The following CNTN5 variants were observed in gnomAD, a reference collection of about 807,000 sequenced individuals.
CNTN5 encodes contactin-5.
Under a neutral mutation model 129.1 loss-of-function variants are expected in CNTN5, and 77 were observed. The ratio of observed to expected loss-of-function variants is 0.60; its 90% CI spans 0.50 to 0.72. CNTN5 has a LOEUF of 0.72. CNTN5 is among the 30% of genes least tolerant of loss of function. The pLI is 0.00. For synonymous variants in CNTN5, 509 were observed against 465.6 expected (o/e 1.09, Z -1.20); for missense variants, 1,478 against 1,328.8 (o/e 1.11, Z -1.75).
intron 1 of CNTN5, among the ~76,000 whole-genome samples, chr11:99,289,212 TG>T (rs1438725466): frequency 6.6e-6 from 1 of 151,910 alleles, no homozygotes; most frequent in Non-Finnish European, 1.5e-5. Context: ...TTCCTTCCTC[TG>T]CAACTGTACC....
chr11:99,922,150 A>C (rs1191379098), intron 7 of CNTN5, among the ~76,000 whole-genome samples: 1 of 152,216 alleles, frequency 6.6e-6, no homozygotes, highest in African/African-American at 2.4e-5. Context: ...CAGAAAGTGA[A>C]GGAGGGGCAA....
At chr11:99,152,797 A>G (rs758211054) in intron 1 of CNTN5, among the ~76,000 whole-genome samples, 6 of 152,088 alleles carry the variant, frequency 3.9e-5, no homozygotes, top group African/African-American at 9.7e-5. Flanking sequence ...CTTTTTTTCC[A>G]AATTTAGGAC....
At chr11:99,328,319 C>A (rs948195172) in intron 2 of CNTN5, among the ~76,000 whole-genome samples, 1 of 152,068 alleles carries the variant, frequency 6.6e-6, no homozygotes, top group African/African-American at 2.4e-5. Flanking sequence ...GTGTCCACAG[C>A]AATCTTTCAA....
At chr11:100,271,652 C>A (rs1009199152) in intron 18 of CNTN5, among the ~76,000 whole-genome samples, 6 of 152,112 alleles carry the variant, frequency 3.9e-5, no homozygotes, top group Non-Finnish European at 8.8e-5. Context: ...TTTTATGTTA[C>A]CCTTCACCAC....
At chr11:99,660,145 T>C (rs1358445879) in intron 3 of CNTN5, among the ~76,000 whole-genome samples, 1 of 152,102 alleles carries the variant, frequency 6.6e-6, no homozygotes. Flanking sequence ...AAGTTCTGGA[T>C]GAAAAAATAC....
At chr11:99,276,712 T>C (rs1265093311) in intron 1 of CNTN5, among the ~76,000 whole-genome samples, 2 of 151,464 alleles carry the variant, frequency 1.3e-5, no homozygotes, top group Non-Finnish European at 3.0e-5. Context: ...AAATTTTTAT[T>C]TGAGTGTATT....
chr11:99,753,382 A>C (rs1178919319), intron 3 of CNTN5, among the ~76,000 whole-genome samples: 2 of 151,748 alleles, frequency 1.3e-5, no homozygotes, highest in African/African-American at 2.4e-5. Context: ...TCAGCCTCCC[A>C]AAGTGCTGGG....
At chr11:99,612,961 C>T (rs1162618736) in intron 3 of CNTN5, among the ~76,000 whole-genome samples, 1 of 152,096 alleles carries the variant, frequency 6.6e-6, no homozygotes, top group African/African-American at 2.4e-5. Context: ...GGTTAGAAAG[C>T]CAATGCAAGT....
chr11:99,301,210 C>G (rs1864617859), intron 1 of CNTN5, among the ~76,000 whole-genome samples: 1 of 150,522 alleles, frequency 6.6e-6, no homozygotes, highest in Non-Finnish European at 1.5e-5. Context: ...ACATAGAAAA[C>G]AAGTAGCAAA....
chr11:100,198,409 T>C (rs1189562148), intron 15 of CNTN5, among the ~76,000 whole-genome samples: 1 of 125,310 alleles, frequency 8.0e-6, no homozygotes, highest in African/African-American at 3.4e-5. Context: ...TATGTATGTC[T>C]GTCTAGACAC....
At chr11:100,069,384 G>C (rs1223250131) in intron 10 of CNTN5, among the ~76,000 whole-genome samples, 1 of 151,874 alleles carries the variant, frequency 6.6e-6, no homozygotes, top group Non-Finnish European at 1.5e-5. Context: ...GGAACTCCCA[G>C]GCTAAAGTAA....
At chr11:99,851,558 T>G (rs2135726126) in intron 6 of CNTN5, among the ~76,000 whole-genome samples, 1 of 152,310 alleles carries the variant, frequency 6.6e-6, no homozygotes. Context: ...TAGAAATAAT[T>G]GATGCCAGAA....
intron 18 of CNTN5, among the ~76,000 whole-genome samples, chr11:100,280,016 C>A (rs990557015): frequency 4.7e-5 from 7 of 148,816 alleles, no homozygotes; most frequent in Non-Finnish European, 8.9e-5. Context: ...ATTCCATTAT[C>A]ATTTGTTTCA....
chr11:99,546,480 G>C (rs76129221), intron 2 of CNTN5, among the ~76,000 whole-genome samples: 1 of 151,684 alleles, frequency 6.6e-6, no homozygotes, highest in African/African-American at 2.4e-5. Context: ...GGAAACTTTA[G>C]TTGTTATAAA....
intron 9 of CNTN5, among the ~76,000 whole-genome samples, chr11:100,020,453 C>T (rs935185687): frequency 5.3e-5 from 8 of 151,898 alleles, no homozygotes; most frequent in African/African-American, 1.7e-4. Context: ...TGTGTCAACT[C>T]GTTTTTTGAT....
chr11:99,501,649 T>C (rs186825083), intron 2 of CNTN5, among the ~76,000 whole-genome samples: 188 of 152,330 alleles, frequency 1.2e-3, no homozygotes, highest in African/African-American at 4.5e-3. Flanking sequence ...TTTTTGTTAT[T>C]AGTGGAATCA....
intron 3 of CNTN5, among the ~76,000 whole-genome samples, chr11:99,629,081 A>G (rs187477447): frequency 4.6e-5 from 7 of 152,174 alleles, no homozygotes; most frequent in African/African-American, 1.7e-4. Context: ...CACAGAAAAA[A>G]CAATAAATAT....
chr11:99,916,798 C>G (rs981645836), intron 7 of CNTN5, among the ~76,000 whole-genome samples: 4 of 151,954 alleles, frequency 2.6e-5, no homozygotes, highest in Admixed American at 2.0e-4. Context: ...GATGAGTACT[C>G]CTTTGGAACT....
At chr11:99,976,474 C>T (rs1937981882) in intron 8 of CNTN5, among the ~76,000 whole-genome samples, 1 of 152,198 alleles carries the variant, frequency 6.6e-6, no homozygotes, top group Admixed American at 6.5e-5. Flanking sequence ...CTGCGTCAGA[C>T]ATCTGCTTGG....
Sources: gnomAD v4.1 joint callset for allele counts (sites outside exome capture counted in the v4.1 genomes callset) on GRCh38, gnomAD v4.1.1 for gene constraint, MANE v1.5 for transcripts, NCBI Gene and HGNC (gene_info 2026-07-23, HGNC 2026-07-21) for gene names.